Variants in STAG1 observed in about 807,000 individuals in gnomAD.
STAG1 encodes the protein STAG1 cohesin complex component, also known as cohesin subunit SA-1.
Under a neutral mutation model 170.9 loss-of-function variants are expected in STAG1, and 26 were observed. That is an observed-to-expected ratio of 0.15 (90% confidence interval 0.11 to 0.21). The LOEUF is 0.21. Ranked by LOEUF, STAG1 falls within the 10% of genes least tolerant of loss-of-function variation. The pLI is 1.00. For missense variants in STAG1, 964 were observed against 1,509.5 expected (o/e 0.64, Z 5.99); for synonymous variants, 514 against 497.7 (o/e 1.03, Z -0.44).
At chr3:136,538,216 T>C (rs1448482827) in intron 6 of STAG1, among the ~76,000 whole-genome samples, 2 of 152,320 alleles carry the variant, frequency 1.3e-5, no homozygotes, top group Non-Finnish European at 2.9e-5. Context: ...CAATACTATA[T>C]ACATTTAATT....
chr3:136,476,361 A>G (rs2089749202), intron 10 of STAG1, among the ~76,000 whole-genome samples: 1 of 152,224 alleles, frequency 6.6e-6, no homozygotes, highest in Non-Finnish European at 1.5e-5. Context: ...GCTTCTCCTG[A>G]CCATCATAGT....
chr3:136,633,710 A>AGG (rs71157394), intron 1 of STAG1, among the ~76,000 whole-genome samples: 12 of 44,804 alleles, frequency 2.7e-4, no homozygotes, highest in African/African-American at 6.8e-4. Context: ...TCAAAAAAAA[A>AGG]GGGGGGGGGG....
At chr3:136,723,817 G>A (rs1330008336) in intron 1 of STAG1, among the ~76,000 whole-genome samples, 3 of 144,150 alleles carry the variant, frequency 2.1e-5, no homozygotes, top group East Asian at 2.1e-4. Flanking sequence ...CAGCCGCCCC[G>A]TCCGGGAGGG....
chr3:136,520,769 T>C (rs138062269), intron 7 of STAG1, among the ~76,000 whole-genome samples: 11 of 152,256 alleles, frequency 7.2e-5, no homozygotes, highest in African/African-American at 2.4e-4. Context: ...AGGAAGAATG[T>C]TTGTTACCCT....
At chr3:136,622,234 C>T (rs1178609659) in intron 3 of STAG1, among the ~76,000 whole-genome samples, 1 of 151,210 alleles carries the variant, frequency 6.6e-6, no homozygotes, top group Non-Finnish European at 1.5e-5. Flanking sequence ...GCAGGAGAAT[C>T]GCTGAACCCA....
At chr3:136,553,187 G>C (rs1303557419) in intron 5 of STAG1, among the ~76,000 whole-genome samples, 1 of 152,080 alleles carries the variant, frequency 6.6e-6, no homozygotes, top group Admixed American at 6.6e-5. Context: ...ACTGAAATAA[G>C]GCTTAAGGGA....
intron 3 of STAG1, among the ~76,000 whole-genome samples, chr3:136,615,468 C>T (rs1939543003): frequency 6.9e-6 from 1 of 145,062 alleles, no homozygotes; most frequent in East Asian, 2.0e-4. Flanking sequence ...GGGGCACTGC[C>T]TGCTTTTTGA....
intron 4 of STAG1, among the ~76,000 whole-genome samples, chr3:136,574,265 T>C (rs770693372): frequency 1.3e-5 from 2 of 151,076 alleles, no homozygotes; most frequent in Non-Finnish European, 3.0e-5. Context: ...CCCGACCACA[T>C]AATATTTACA....
At chr3:136,636,363 T>A (rs1940559491) in intron 1 of STAG1, among the ~76,000 whole-genome samples, 1 of 152,158 alleles carries the variant, frequency 6.6e-6, no homozygotes, top group African/African-American at 2.4e-5. Context: ...AAAATTATAA[T>A]TATGACAATG....
intron 1 of STAG1, among the ~76,000 whole-genome samples, chr3:136,748,114 G>A (rs1043950059): frequency 1.0e-4 from 15 of 150,346 alleles, no homozygotes; most frequent in African/African-American, 1.5e-4. Context: ...ATAACTGGCC[G>A]GGCACGGTGG....
intron 16 of STAG1, among the ~76,000 whole-genome samples, chr3:136,428,397 C>T (rs1056243323): frequency 6.6e-6 from 1 of 152,132 alleles, no homozygotes; most frequent in African/African-American, 2.4e-5. Context: ...TAAGGGATTG[C>T]CTTTTAAAGT....
chr3:136,672,219 T>A (rs965627300), intron 1 of STAG1, among the ~76,000 whole-genome samples: 1 of 152,170 alleles, frequency 6.6e-6, no homozygotes, highest in Non-Finnish European at 1.5e-5. Flanking sequence ...CTCACAAAAA[T>A]GAGGCCTACA....
chr3:136,554,784 A>T (rs1936541385), intron 5 of STAG1, among the ~76,000 whole-genome samples: 2 of 152,112 alleles, frequency 1.3e-5, no homozygotes, highest in Admixed American at 1.3e-4. Context: ...GGTCCCAGCT[A>T]CTTGGGAAGC....
chr3:136,498,233 T>TATATAC lies in STAG1; in HGVS notation c.902+1989_902+1990insGTATAT. On this transcript the variant is annotated intron_variant, in intron 9 of 33. Coordinates refer to ENST00000383202, the MANE Select transcript of STAG1 (RefSeq NM_005862.3). ...AATTATATATATATATATATATATA[T>TATATAC]ACACATACATATACATACACACACA... 1.8e-3 allele frequency among the ~76,000 whole-genome samples: 103 copies of TATATAC among 57,492 alleles called. 10 individuals are homozygous for TATATAC. Among genetic ancestry groups the TATATAC allele is most frequent in the African/African-American group, 5.2e-3 (50 of 9,672 alleles). 37.7% of individuals were successfully genotyped at this position (57,492 alleles called of 152,430 possible).
intron 15 of STAG1, among the ~76,000 whole-genome samples, chr3:136,437,215 C>T (rs991358128): frequency 1.3e-5 from 2 of 152,206 alleles, no homozygotes; most frequent in African/African-American, 4.8e-5. Flanking sequence ...AGTGTTGAAG[C>T]TTAACTCAAC....
chr3:136,369,684 G>A (rs1937219369), intron 23 of STAG1, among the ~76,000 whole-genome samples: 1 of 152,118 alleles, frequency 6.6e-6, no homozygotes, highest in Non-Finnish European at 1.5e-5. Flanking sequence ...ATTGTATACT[G>A]CTTAATCAAA....
At chr3:136,559,124 CCTATCTAT>C (rs3042748) in intron 5 of STAG1, among the ~76,000 whole-genome samples, 1,536 of 144,096 alleles carry the variant, frequency 0.011, 26 homozygotes, top group African/African-American at 0.029. Flanking sequence ...CACTGAACTA[CCTATCTAT>C]CTATCTATCT....
At chr3:136,726,702 G>T (rs1391880677) in intron 1 of STAG1, among the ~76,000 whole-genome samples, 1 of 152,130 alleles carries the variant, frequency 6.6e-6, no homozygotes, top group Non-Finnish European at 1.5e-5. Context: ...GGGATTACAG[G>T]TATGAGCCAC....
At chr3:136,614,733 C>T (rs1939495532) in intron 3 of STAG1, among the ~76,000 whole-genome samples, 1 of 152,190 alleles carries the variant, frequency 6.6e-6, no homozygotes, top group Admixed American at 6.5e-5. Flanking sequence ...TTCCAAAGCT[C>T]TAGAATAGGT....
Sources: gnomAD v4.1 joint callset for allele counts (sites outside exome capture counted in the v4.1 genomes callset) on GRCh38, gnomAD v4.1.1 for gene constraint, MANE v1.5 for transcripts, NCBI Gene and HGNC (gene_info 2026-07-23, HGNC 2026-07-21) for gene names.